Variants in CCDC122 observed in about 807,000 individuals in gnomAD.
CCDC122 encodes coiled-coil domain containing 122.
CCDC122 carries 38 observed loss-of-function variants against 37.0 expected under a neutral mutation model. The observed-to-expected ratio is 1.03, with a 90% CI of 0.79 to 1.35. CCDC122 has a LOEUF of 1.35. Ranked by LOEUF, CCDC122 falls within the 40% of genes most tolerant of loss-of-function variation. The pLI, the probability that CCDC122 is intolerant of heterozygous loss-of-function variation, is 0.00. For missense variants in CCDC122, 305 were observed against 310.0 expected (o/e 0.98, Z 0.12); for synonymous variants, 83 against 95.6 (o/e 0.87, Z 0.77).
At chr13:43,839,427 T>A (rs1953271998) in intron 6 of CCDC122, among the ~76,000 whole-genome samples, 1 of 152,220 alleles carries the variant, frequency 6.6e-6, no homozygotes, top group Admixed American at 6.5e-5. Context: ...CAGAACTTAA[T>A]TACTTTGTAT....
chr13:43,851,529 A>G (rs553193633), intron 6 of CCDC122, among the ~76,000 whole-genome samples: 196 of 152,158 alleles, frequency 1.3e-3, no homozygotes, highest in African/African-American at 4.6e-3. Context: ...CCCCCTAACT[A>G]CACTGTCTCT....
chr13:43,876,770 A>G (rs1259463461), intron 1 of CCDC122, among the ~76,000 whole-genome samples: 1 of 152,210 alleles, frequency 6.6e-6, no homozygotes, highest in Non-Finnish European at 1.5e-5. Flanking sequence ...TTAAAAATCT[A>G]TGTTTAATAT....
intron 6 of CCDC122, among the ~76,000 whole-genome samples, chr13:43,853,456 A>G (rs1224880971): frequency 1.3e-5 from 2 of 152,206 alleles, no homozygotes; most frequent in Non-Finnish European, 2.9e-5. Flanking sequence ...CTAAATATAT[A>G]TGCACCCAAC....
At chr13:43,867,889 C>G (rs1262581023) in intron 4 of CCDC122, among the ~76,000 whole-genome samples, 1 of 152,014 alleles carries the variant, frequency 6.6e-6, no homozygotes, top group African/African-American at 2.4e-5. Context: ...TCTACTGATG[C>G]ACTTAAAACC....
chr13:43,868,623 T>G, intron 4 of CCDC122, 71 bp downstream of exon 4: 2 of 764,946 alleles, frequency 2.6e-6, no homozygotes, highest in Non-Finnish European at 2.0e-6. Context: ...TAATAAGTAT[T>G]TTTAATAATC....
intron 6 of CCDC122, among the ~76,000 whole-genome samples, chr13:43,847,779 C>T (rs2153871776): frequency 6.6e-6 from 1 of 152,102 alleles, no homozygotes; most frequent in Non-Finnish European, 1.5e-5. Context: ...CTGGGTTTTT[C>T]TTTTCCCTTT....
intron 6 of CCDC122, among the ~76,000 whole-genome samples, chr13:43,853,140 C>A (rs1321991780): frequency 6.6e-6 from 1 of 152,128 alleles, no homozygotes; most frequent in East Asian, 1.9e-4. Context: ...CATATCAATA[C>A]TAACCTTGAA....
chr13:43,835,934 A>G (rs1953149465), downstream of CCDC122, among the ~76,000 whole-genome samples: 1 of 152,204 alleles, frequency 6.6e-6, no homozygotes, highest in Non-Finnish European at 1.5e-5. Context: ...GTGTTACAGG[A>G]TAAGCTGTTT....
chr13:43,857,260 T>C (rs1953945511), intron 6 of CCDC122, among the ~76,000 whole-genome samples: 1 of 152,212 alleles, frequency 6.6e-6, no homozygotes. Context: ...ACATGTGTTA[T>C]AATAATCTAG....
intron 6 of CCDC122, among the ~76,000 whole-genome samples, chr13:43,846,392 C>T (rs1953536516): frequency 6.6e-6 from 1 of 152,138 alleles, no homozygotes; most frequent in African/African-American, 2.4e-5. Context: ...TCTTTTTCCT[C>T]ACATCGAGTA....
At chr13:43,833,919 ATTC>A (rs1385954724), downstream of CCDC122, among the ~76,000 whole-genome samples, 1 of 152,234 alleles carries the variant, frequency 6.6e-6, no homozygotes, top group Non-Finnish European at 1.5e-5. Flanking sequence ...AAGAGCTCAT[ATTC>A]TAAGCTAGGT....
Position 43,837,406 on chromosome 13 carries a change from T to G in CCDC122, c.696A>C (p.Ala232=). Residue 232 remains alanine (A), a synonymous_variant, in exon 7 of 7, where the codon GCA becomes GCC. Coordinates refer to ENST00000444614, the MANE Select transcript of CCDC122 (RefSeq NM_144974.5). ...EIEVQHKRYD[A]ILKRLHCQVN... is the part of the protein sequence containing the mutation. ...CCTGACAATGCAAACGCTTAAGAAT[T>G]GCATCATACCTCTTATGTTGTACCT... is the stretch of plus-strand genomic sequence containing the variant. 6.2e-7 allele frequency: 1 copy of G among 1,614,070 alleles called. No homozygotes were observed. Among genetic ancestry groups the G allele is most frequent in the South Asian group, 1.1e-5 (1 of 91,066 alleles).
Position 43,838,740 on chromosome 13 carries a change from G to A in CCDC122, c.673-1311C>T, listed in dbSNP as rs149887627. 2.9e-3 allele frequency among the ~76,000 whole-genome samples: 445 copies of A among 152,306 alleles called. 2 individuals carry two copies. The highest frequency in any genetic ancestry group is 5.5e-3 in the Non-Finnish European group (372 of 68,026). ...AAGAGTTAGCTGGCTGGCTTTCTGA[G>A]GGCAGGTCTTTGTGGTGTTTCTAGG... On this transcript the variant is annotated intron_variant, in intron 6 of 6. Transcript: ENST00000444614.
chr13:43,845,821 T>A (rs1055460269), intron 6 of CCDC122, among the ~76,000 whole-genome samples: 12 of 152,346 alleles, frequency 7.9e-5, no homozygotes, highest in Non-Finnish European at 1.5e-4. Flanking sequence ...AAAATTCAAC[T>A]TATTTTTTTA....
intron 3 of CCDC122, among the ~76,000 whole-genome samples, chr13:43,829,129 CTAAA>C (rs1003141534): frequency 1.3e-5 from 2 of 152,096 alleles, no homozygotes; most frequent in African/African-American, 4.8e-5. Flanking sequence ...TAAATTTTCT[CTAAA>C]TATGATGACA....
intron 3 of CCDC122, among the ~76,000 whole-genome samples, chr13:43,826,715 T>C (rs1461871043): frequency 6.6e-6 from 1 of 152,124 alleles, no homozygotes; most frequent in Non-Finnish European, 1.5e-5. Context: ...GTGATCAAAA[T>C]AGAGGTTATT....
At chr13:43,829,958 C>T (rs1284701909) in intron 3 of CCDC122, among the ~76,000 whole-genome samples, 3 of 152,120 alleles carry the variant, frequency 2.0e-5, no homozygotes, top group East Asian at 3.9e-4. Flanking sequence ...TCACTGCAGC[C>T]TCCGCCTCCT....
intron 6 of CCDC122, among the ~76,000 whole-genome samples, chr13:43,846,148 C>A (rs1161263262): frequency 6.6e-6 from 1 of 151,946 alleles, no homozygotes; most frequent in Non-Finnish European, 1.5e-5. Context: ...GATCTCAGCT[C>A]ACTGCAACCT....
intron 3 of CCDC122, among the ~76,000 whole-genome samples, chr13:43,826,667 T>C (rs1463157734): frequency 2.0e-5 from 3 of 152,162 alleles, no homozygotes; most frequent in Admixed American, 2.0e-4. Context: ...TAATAGGATA[T>C]TGTAACTTTA....
Sources: allele counts gnomAD v4.1 joint callset (sites outside exome capture counted in the v4.1 genomes callset), GRCh38; gene constraint gnomAD v4.1.1; transcripts MANE v1.5; gene names NCBI Gene and HGNC (gene_info 2026-07-23, HGNC 2026-07-21).